Variants in CYRIB observed in about 807,000 individuals in gnomAD.
The protein encoded by CYRIB is CYFIP-related Rac1 interactor B.
Under a neutral mutation model 44.2 loss-of-function variants are expected in CYRIB, and 8 were observed. The ratio of observed to expected loss-of-function variants is 0.18; its 90% CI spans 0.11 to 0.33. The LOEUF (loss-of-function observed/expected upper bound fraction) is 0.33. CYRIB is among the 10% of genes least tolerant of loss of function. The pLI is 1.00. For synonymous variants in CYRIB, 131 were observed against 127.2 expected, an observed-to-expected ratio of 1.03 and a Z score of -0.20; for missense variants, 185 against 382.8, an observed-to-expected ratio of 0.48 and a Z score of 4.31.
intron 1 of CYRIB, among the ~76,000 whole-genome samples, chr8:129,993,115 G>T (rs913842929): frequency 3.9e-5 from 6 of 152,114 alleles, no homozygotes; most frequent in African/African-American, 1.4e-4. Context: ...TCCCCACCGG[G>T]CACGGTGGCT....
At chr8:129,923,903 A>AT (rs143413060) in intron 1 of CYRIB, among the ~76,000 whole-genome samples, 21 of 147,218 alleles carry the variant, frequency 1.4e-4, no homozygotes, top group South Asian at 4.3e-4. Flanking sequence ...ATAGATGATA[A>AT]TTTTTTTTTT....
chr8:129,924,656 A>C (rs1399553557), intron 1 of CYRIB, among the ~76,000 whole-genome samples: 1 of 152,128 alleles, frequency 6.6e-6, no homozygotes, highest in Non-Finnish European at 1.5e-5. Flanking sequence ...AGTTATAAAA[A>C]CAATCTGACT....
At position 129,871,553 on chromosome 8, in the gene CYRIB, T is replaced by C. The variant is rs1425576386; in HGVS notation, c.74-57A>G. On this transcript the variant is annotated intron_variant, in intron 3 of 11. Transcript: ENST00000519824. The stretch of plus-strand genomic sequence containing the variant: ...AGTGACATGAATTTTTTAAAATACA[T>C]GTGTAACTCTAAGCAATTAACAACC... The C allele has an allele frequency of 6.4e-6, 10 of 1,571,956 alleles. No individual in the cohort carries two copies. In the African/African-American group the frequency reaches 1.1e-4, roughly 17 times the overall value.
rs2058271717 is a variant in CYRIB at position 129,873,979 on chromosome 8, G to C, written c.74-2483C>G. Among the ~76,000 whole-genome samples the C allele has an allele frequency of 2.0e-5, 3 of 151,960 alleles. No homozygotes were observed. The South Asian group carries it at 6.2e-4, about 32-fold the overall frequency. On this transcript the variant is annotated intron_variant, in intron 3 of 11. Transcript: ENST00000519824. ...AAATGAAGACAAACAGAAAATAGCA[G>C]ACAAGTAAGCACTACTTTACTGAAA... is the stretch of plus-strand genomic sequence containing the variant.
chr8:129,868,552 A>G (rs1020479659), intron 4 of CYRIB: 3 of 152,052 alleles, frequency 2.0e-5, no homozygotes, highest in East Asian at 1.9e-4. Context: ...CACATCACCA[A>G]TCATGGACTA....
At chr8:129,884,627 A>G (rs2062035888) in intron 2 of CYRIB, among the ~76,000 whole-genome samples, 2 of 152,202 alleles carry the variant, frequency 1.3e-5, no homozygotes, top group South Asian at 4.1e-4. Context: ...CACTATTGAT[A>G]TATTTTAGAG....
intron 2 of CYRIB, among the ~76,000 whole-genome samples, chr8:129,893,721 G>A (rs2066517822): frequency 6.6e-6 from 1 of 151,994 alleles, no homozygotes; most frequent in South Asian, 2.1e-4. Context: ...ATTAGATAGA[G>A]ATGGGTTCTC....
intron 1 of CYRIB, among the ~76,000 whole-genome samples, chr8:129,929,552 GAAAA>G (rs900067598): frequency 2.0e-5 from 3 of 152,038 alleles, no homozygotes; most frequent in Non-Finnish European, 2.9e-5. Context: ...AAAAGATGGT[GAAAA>G]AAACTTAGTA....
At chr8:129,876,725 G>GAGAC (rs528352194) in intron 3 of CYRIB, among the ~76,000 whole-genome samples, 77 of 151,908 alleles carry the variant, frequency 5.1e-4, no homozygotes, top group Non-Finnish European at 7.2e-4. Context: ...CCCAACTGCA[G>GAGAC]AGACATATTG....
At position 129,990,497 on chromosome 8, in the gene CYRIB, C is replaced by T. The variant is rs555810817; in HGVS notation, c.-295-19502G>A. On this transcript the variant is annotated intron_variant, in intron 1 of 14. Coordinates refer to the CYRIB transcript ENST00000401979. Reference sequence around the variant, plus strand: ...GTGTGCATGCATGTGTGTGTGTATGCGTGTGTGTGTGTGTGTGTGTGTGTG... The same window carrying T: ...GTGTGCATGCATGTGTGTGTGTATGTGTGTGTGTGTGTGTGTGTGTGTGTG... 3.6e-3 allele frequency among the ~76,000 whole-genome samples: 533 copies of T among 147,468 alleles called. 10 individuals carry two copies. The highest frequency in any genetic ancestry group is 0.026 in the East Asian group (129 of 4,970).
intron 3 of CYRIB, among the ~76,000 whole-genome samples, chr8:129,872,745 C>T (rs1472145546): frequency 2.6e-5 from 4 of 151,972 alleles, no homozygotes; most frequent in Non-Finnish European, 4.4e-5. Flanking sequence ...TTAATACTAT[C>T]ACACTGGTCT....
intron 2 of CYRIB, among the ~76,000 whole-genome samples, chr8:129,887,464 A>G (rs1298335157): frequency 6.6e-6 from 1 of 152,210 alleles, no homozygotes; most frequent in African/African-American, 2.4e-5. Context: ...AGGACAGTGC[A>G]CTGGGGAAAT....
intron 5 of CYRIB, among the ~76,000 whole-genome samples, chr8:129,860,832 T>C (rs1488422075): frequency 6.7e-6 from 1 of 148,804 alleles, no homozygotes; most frequent in East Asian, 2.0e-4. Flanking sequence ...CTCTCTAACA[T>C]GCAGATCAAT....
chr8:129,965,033 A>G (rs1177258084), intron 2 of CYRIB, among the ~76,000 whole-genome samples: 2 of 152,182 alleles, frequency 1.3e-5, no homozygotes, highest in Non-Finnish European at 2.9e-5. Context: ...CTTACCTGTG[A>G]GCAGATAACA....
chr8:129,944,427 C>T (rs929851347), upstream of CYRIB, among the ~76,000 whole-genome samples: 1 of 152,162 alleles, frequency 6.6e-6, no homozygotes, highest in Non-Finnish European at 1.5e-5. Context: ...GGTGACACCA[C>T]GTGATATCAA....
chr8:129,879,956 A>G (rs1312412599), intron 2 of CYRIB, among the ~76,000 whole-genome samples: 2 of 152,106 alleles, frequency 1.3e-5, no homozygotes, highest in Admixed American at 1.3e-4. Flanking sequence ...CGGTTCAATA[A>G]AGCATATATT....
intron 1 of CYRIB, among the ~76,000 whole-genome samples, chr8:129,994,008 T>C (rs1402191853): frequency 6.6e-6 from 1 of 152,132 alleles, no homozygotes; most frequent in Non-Finnish European, 1.5e-5. Flanking sequence ...TACTGCTTGG[T>C]TATATACTGA....
intron 1 of CYRIB, among the ~76,000 whole-genome samples, chr8:129,923,283 T>C (rs1005389628): frequency 6.6e-6 from 1 of 151,074 alleles, no homozygotes; most frequent in African/African-American, 2.4e-5. Context: ...TATGTATGTA[T>C]GTATGTTTGA....
At chr8:130,009,496 G>C (rs1227256323) in intron 1 of CYRIB, among the ~76,000 whole-genome samples, 1 of 152,098 alleles carries the variant, frequency 6.6e-6, no homozygotes, top group East Asian at 1.9e-4. Context: ...TTGAACTCCT[G>C]ACCTCAGGTG....
Sources: allele counts gnomAD v4.1 joint callset (sites outside exome capture counted in the v4.1 genomes callset), GRCh38; gene constraint gnomAD v4.1.1; transcripts MANE v1.5; gene names NCBI Gene and HGNC (gene_info 2026-07-23, HGNC 2026-07-21).